TUT1: variants seen among roughly 807,000 people sequenced by gnomAD.
The protein encoded by TUT1 is terminal uridylyl transferase 1, U6 snRNA-specific, also known as speckle targeted PIP5K1A-regulated poly(A) polymerase.
A neutral mutation model predicts 48.8 loss-of-function variants in TUT1; 26 were observed. The observed-to-expected ratio is 0.53, with a 90% CI of 0.39 to 0.74. The LOEUF is 0.74. Among genes scored for constraint, TUT1 ranks in the 30% least tolerant of loss-of-function variants. The pLI is 0.00. For synonymous variants in TUT1, 470 were observed against 460.8 expected, an observed-to-expected ratio of 1.02 and a Z score of -0.26; for missense variants, 1,065 against 1,114.8, an observed-to-expected ratio of 0.96 and a Z score of 0.64.
chr11:62,584,274 C>T lies in TUT1; in HGVS notation c.274-2573G>A, dbSNP rs116894604. Among the ~76,000 whole-genome samples, 1,224 of 151,774 alleles carry T rather than the reference C, an allele frequency of 8.1e-3. 11 individuals carry two copies. The highest frequency in any genetic ancestry group is 0.013 in the Non-Finnish European group (878 of 67,952). On this transcript the variant is annotated intron_variant, in intron 2 of 8. Transcript: ENST00000476907. Reference sequence around the variant, plus strand: ...TCCCTAGTAGCTGGAATCAAAGACACGCACCACTACACCTGGCTAATTTTT... The same window carrying T: ...TCCCTAGTAGCTGGAATCAAAGACATGCACCACTACACCTGGCTAATTTTT...
rs776526276 is a variant in TUT1, at chr11:62,591,444, C to T, written c.42G>A (p.Gly14=). 1 of 1,609,564 alleles carries T rather than the reference C, an allele frequency of 6.2e-7. No homozygotes were observed. Among genetic ancestry groups the T allele is most frequent in the South Asian group, 1.1e-5 (1 of 89,980 alleles). Residue 14 remains glycine (G), a synonymous_variant, in exon 1 of 9, where the codon GGG becomes GGA. Transcript: ENST00000476907. ...VDSDVESLPR[G]GFRCCLCHVT... Reference sequence around the variant, plus strand: ...CGTGGCAGAGGCAGCAGCGGAACCCCCCACGCGGCAGCGATTCGACATCCG... The same window carrying T: ...CGTGGCAGAGGCAGCAGCGGAACCCTCCACGCGGCAGCGATTCGACATCCG...
In TUT1 at chr11:62,581,476, C is replaced by T; in HGVS notation, c.499G>A (p.Val167Met). Residue 167 changes from valine to methionine, a missense_variant, in exon 3 of 9, where the codon GTG becomes ATG. Coordinates refer to ENST00000476907, the MANE Select transcript of TUT1 (RefSeq NM_022830.3). ...GCCTCGGACAACTCCCTCAGCCCCACAAGCTTTATCATTTGTGCCCCCACG... is the reference window on the plus strand; with the variant it reads ...GCCTCGGACAACTCCCTCAGCCCCATAAGCTTTATCATTTGTGCCCCCACG... The part of the protein sequence containing the change: ...ADVGAQMIKL[V>M]GLRELSEAER... 1 of 1,614,204 alleles carries T rather than the reference C, an allele frequency of 6.2e-7. No homozygotes were observed. Among genetic ancestry groups the T allele is most frequent in the Non-Finnish European group, 8.5e-7 (1 of 1,180,038 alleles).
intron 2 of TUT1, among the ~76,000 whole-genome samples, chr11:62,582,118 G>T (rs1479545270): frequency 6.6e-6 from 1 of 151,972 alleles, no homozygotes; most frequent in Admixed American, 6.5e-5. Context: ...TAGTAGCTGG[G>T]ATTACAGGCA....
In TUT1 at chr11:62,576,721, G is replaced by A. The variant is rs762422017; in HGVS notation, c.1410C>T (p.Gly470=). The stretch of plus-strand genomic sequence containing the variant: ...CATCCCTGGGGAAACTGCAGTCCCA[G>A]CCATCGACTTCCACCTGTTCCCCCT... ...AGEGEQVEVD[G]WDCSFPRDAS... The change falls in exon 8 of 9, where the codon GGC becomes GGT. Residue 470 remains glycine (G), a synonymous_variant. Coordinates refer to ENST00000476907, the MANE Select transcript of TUT1 (RefSeq NM_022830.3). 1.2e-6 allele frequency: 2 copies of A among 1,614,172 alleles called. No homozygotes were observed. Among genetic ancestry groups the A allele is most frequent in the South Asian group, 2.2e-5 (2 of 91,082 alleles).
chr11:62,589,749 C>G (rs1316090083), intron 1 of TUT1, among the ~76,000 whole-genome samples: 1 of 152,180 alleles, frequency 6.6e-6, no homozygotes, highest in African/African-American at 2.4e-5. Context: ...TACACAAGAA[C>G]TAAAAAAATT....
Position 62,575,444 on chromosome 11 carries a change from A to C in TUT1, c.2275T>G (p.Ser759Ala), listed in dbSNP as rs1444644579. Reference sequence around the variant, plus strand: ...CGCCAGCTCGCTGAGGAGGGCAGGGATGCCCCCTTCCCTGCCTCACCCTGA... The same window carrying C: ...CGCCAGCTCGCTGAGGAGGGCAGGGCTGCCCCCTTCCCTGCCTCACCCTGA... The part of the protein sequence containing the change: ...WSQGEAGKGA[S>A]LPSSASWRCA... Residue 759 changes from serine to alanine, a missense_variant, in exon 9 of 9, where the codon TCC becomes GCC. Physicochemically the swap from Ser to Ala is moderately conservative, Grantham distance 99 (BLOSUM62 1). Transcript: ENST00000476907. 6.2e-7 allele frequency: 1 copy of C among 1,611,190 alleles called. No homozygotes were observed. Among genetic ancestry groups the C allele is most frequent in the Non-Finnish European group, 8.5e-7 (1 of 1,179,980 alleles).
At chr11:62,587,494 T>C (rs1003898094) in intron 2 of TUT1, among the ~76,000 whole-genome samples, 1 of 152,198 alleles carries the variant, frequency 6.6e-6, no homozygotes, top group Non-Finnish European at 1.5e-5. Flanking sequence ...ACTAACCTTT[T>C]ATACTCTGCC....
intron 4 of TUT1, among the ~76,000 whole-genome samples, chr11:62,580,057 TTG>T (rs1941800642): frequency 6.6e-6 from 1 of 152,182 alleles, no homozygotes; most frequent in South Asian, 2.1e-4. Context: ...GGAGGATTCC[TTG>T]AGCCCAGGAG....
At chr11:62,587,217 T>C (rs1193495243) in intron 2 of TUT1, among the ~76,000 whole-genome samples, 7 of 152,114 alleles carry the variant, frequency 4.6e-5, no homozygotes, top group African/African-American at 1.4e-4. Flanking sequence ...GTTTCGCTCT[T>C]GTTGCCCAGG....
chr11:62,589,534 G>C (rs192144332), intron 1 of TUT1, among the ~76,000 whole-genome samples: 87 of 152,224 alleles, frequency 5.7e-4, no homozygotes, highest in African/African-American at 2.1e-3. Context: ...CTCGTGAGTA[G>C]GTGGGACTAC....
rs145884618 is a variant in TUT1, at chr11:62,587,267, C to T, written c.273+1764G>A. ...CGCGATGTCGGCTCAAGGCAGCCTCCGCCTCCCGGGTTCAAGCGATTCTCC... is the reference window on the plus strand; with the variant it reads ...CGCGATGTCGGCTCAAGGCAGCCTCTGCCTCCCGGGTTCAAGCGATTCTCC... On this transcript the variant is annotated intron_variant, in intron 2 of 8. Transcript: ENST00000476907. Among the ~76,000 whole-genome samples the T allele has an allele frequency of 9.2e-3, 1,402 of 152,156 alleles. 16 individuals are homozygous for T. Among genetic ancestry groups the T allele is most frequent in the African/African-American group, 0.032 (1,335 of 41,532 alleles).
intron 5 of TUT1, 74 bp from the exon 6 acceptor site, chr11:62,577,365 A>C (rs558301736): frequency 8.5e-7 from 1 of 1,171,248 alleles, no homozygotes; most frequent in East Asian, 2.5e-5. Flanking sequence ...TTCATTCCAG[A>C]CTTGCATAAC....
chr11:62,579,957 G>A (rs1026300578), intron 4 of TUT1, among the ~76,000 whole-genome samples: 2 of 149,020 alleles, frequency 1.3e-5, no homozygotes, highest in African/African-American at 2.5e-5. Context: ...GTGAACCACC[G>A]CGCCCGGCCA....
chr11:62,581,477 A>G lies in TUT1; in HGVS notation c.498T>C (p.Leu166=). 6.2e-7 allele frequency: 1 copy of G among 1,614,080 alleles called. No homozygotes were observed. Among genetic ancestry groups the G allele is most frequent in the East Asian group, 2.2e-5 (1 of 44,880 alleles). The change falls in exon 3 of 9, where the codon CTT becomes CTC. Residue 166 remains leucine, a synonymous_variant. Coordinates refer to ENST00000476907, the MANE Select transcript of TUT1 (RefSeq NM_022830.3). ...CCTCGGACAACTCCCTCAGCCCCAC[A>G]AGCTTTATCATTTGTGCCCCCACGT... is the stretch of plus-strand genomic sequence containing the variant. The part of the protein sequence containing the change: ...AADVGAQMIK[L]VGLRELSEAE...
At chr11:62,579,092 G>T in intron 4 of TUT1, 62 bp from the exon 5 acceptor site, 2 of 1,262,222 alleles carry the variant, frequency 1.6e-6, no homozygotes, top group South Asian at 1.9e-5. Flanking sequence ...GATCTCTCAA[G>T]ATAATATTAC....
intron 2 of TUT1, among the ~76,000 whole-genome samples, chr11:62,583,267 A>C (rs1040993045): frequency 3.9e-5 from 6 of 152,084 alleles, no homozygotes; most frequent in African/African-American, 1.4e-4. Flanking sequence ...TAAGTTGGTG[A>C]GTTCAATGAT....
intron 2 of TUT1, among the ~76,000 whole-genome samples, chr11:62,583,149 AT>A (rs1379721355): frequency 3.3e-5 from 5 of 151,448 alleles, no homozygotes; most frequent in African/African-American, 7.3e-5. Flanking sequence ...AAAAAAAAAA[AT>A]CAATTCATGT....
Position 62,575,531 on chromosome 11 carries a change from G to A in TUT1, c.2188C>T (p.Pro730Ser). Residue 730 changes from proline (P) to serine (S), a missense_variant, in exon 9 of 9, where the codon CCC (proline) becomes TCC (serine). Pro to Ser is a moderately conservative substitution (Grantham distance 74). Transcript: ENST00000476907. Reference sequence around the variant, plus strand: ...CGCTCTGCCAGGGCTGCGTGGCTGGGCTGCCCCTCTTCTCCAGGGGCTCCA... The same window carrying A: ...CGCTCTGCCAGGGCTGCGTGGCTGGACTGCCCCTCTTCTCCAGGGGCTCCA... Reference protein sequence around the residue: ...KHGAPGEEGQPSHAALAERGP... With the variant: ...KHGAPGEEGQSSHAALAERGP... 6.2e-7 allele frequency: 1 copy of A among 1,613,648 alleles called. No individual in the cohort carries two copies.
At chr11:62,576,517 T>C in intron 8 of TUT1, 140 bp downstream of exon 8, 1 of 849,076 alleles carries the variant, frequency 1.2e-6, no homozygotes, top group Non-Finnish European at 1.8e-6. Flanking sequence ...GGTTTCTTCA[T>C]CTGTAAAATG....
Sources: allele counts gnomAD v4.1 joint callset (sites outside exome capture counted in the v4.1 genomes callset), GRCh38; gene constraint gnomAD v4.1.1; transcripts MANE v1.5; gene names NCBI Gene and HGNC (gene_info 2026-07-23, HGNC 2026-07-21).